The following EML1 variants were observed in gnomAD, a reference collection of about 807,000 sequenced individuals.
EML1 encodes EMAP like 1.
In EML1, 27 loss-of-function variants were observed where a neutral mutation model predicts 110.4. The ratio of observed to expected loss-of-function variants is 0.24; its 90% CI spans 0.18 to 0.34. The LOEUF (loss-of-function observed/expected upper bound fraction) is 0.34, where lower values mean the gene tolerates loss of function less well. Ranked by LOEUF, EML1 falls within the 10% of genes least tolerant of loss-of-function variation. The pLI is 1.00. For synonymous variants in EML1, 344 were observed against 385.8 expected, an observed-to-expected ratio of 0.89 and a Z score of 1.27; for missense variants, 741 against 1,030.9, an observed-to-expected ratio of 0.72 and a Z score of 3.85.
intron 2 of EML1, among the ~76,000 whole-genome samples, chr14:99,859,187 T>C (rs1476463290): frequency 6.6e-6 from 1 of 152,256 alleles, no homozygotes; most frequent in Non-Finnish European, 1.5e-5. Flanking sequence ...TAATTATGAA[T>C]GTGTTTGGAC....
At chr14:99,857,885 T>G (rs1251571388) in intron 2 of EML1, among the ~76,000 whole-genome samples, 2 of 152,224 alleles carry the variant, frequency 1.3e-5, no homozygotes, top group Non-Finnish European at 2.9e-5. Context: ...CCCATTTATA[T>G]TTCTATTATA....
At chr14:99,854,584 CAGTCTCTGTG>C (rs2058869930) in intron 2 of EML1, among the ~76,000 whole-genome samples, 1 of 152,216 alleles carries the variant, frequency 6.6e-6, no homozygotes, top group African/African-American at 2.4e-5. Flanking sequence ...AGGATTTCCT[CAGTCTCTGTG>C]AGCTCCCCAG....
chr14:99,843,652 A>G (rs558167284), intron 1 of EML1, among the ~76,000 whole-genome samples: 2 of 152,232 alleles, frequency 1.3e-5, no homozygotes, highest in Non-Finnish European at 2.9e-5. Flanking sequence ...GAACCCAGGT[A>G]GCTTGACTCC....
chr14:99,818,147 A>G (rs896261332), intron 1 of EML1, among the ~76,000 whole-genome samples: 1 of 152,138 alleles, frequency 6.6e-6, no homozygotes, highest in Non-Finnish European at 1.5e-5. Context: ...GGGCCAAAGA[A>G]GTATCTGGAG....
At position 99,744,997 on chromosome 14, in the gene EML1, T is replaced by G. The variant is rs113523622; in HGVS notation, c.28+7137T>G. Among the ~76,000 whole-genome samples, 158 of 152,266 alleles carry G rather than the reference T, an allele frequency of 1.0e-3. 2 individuals are homozygous for G. The highest frequency in any genetic ancestry group is 3.6e-3 in the African/African-American group (149 of 41,534). ...TGTTTTCTTCACTCTAATACAGATA[T>G]GCACTCTCTCTTTGATTCTATGACA... On this transcript the variant is annotated intron_variant, in intron 1 of 10. Transcript: ENST00000554479.
intron 1 of EML1, among the ~76,000 whole-genome samples, chr14:99,765,972 A>G (rs1390811441): frequency 6.6e-6 from 1 of 152,170 alleles, no homozygotes; most frequent in African/African-American, 2.4e-5. Context: ...TTACACATTC[A>G]TGGCTAACGA....
In EML1 at chr14:99,914,186, A is replaced by G; in HGVS notation, c.1502A>G (p.Glu501Gly). 4 of 1,608,324 alleles carry G rather than the reference A, an allele frequency of 2.5e-6. No homozygotes were observed. The highest frequency in any genetic ancestry group is 2.6e-6 in the Non-Finnish European group (3 of 1,175,324). Residue 501 changes from glutamate to glycine, a missense_variant, in exon 14 of 22, where the codon GAA becomes GGA. Transcript: ENST00000262233. ...YQKLRKTEIPEQFGPIRTVAE... is the reference protein window; with the variant it reads ...YQKLRKTEIPGQFGPIRTVAE... ...TATGACTTTTCAATGCAGATTCCAG[A>G]ACAGTTTGGTCCAATACGGACAGTG...
intron 1 of EML1, among the ~76,000 whole-genome samples, chr14:99,829,804 GTTC>G (rs2139770800): frequency 6.6e-6 from 1 of 152,266 alleles, no homozygotes; most frequent in East Asian, 1.9e-4. Context: ...ATGTTTTCAA[GTTC>G]CATCTGCTTA....
intron 7 of EML1, 85 bp downstream of exon 7, chr14:99,897,379 G>A: frequency 7.4e-7 from 1 of 1,357,912 alleles, no homozygotes; most frequent in Non-Finnish European, 9.8e-7. Flanking sequence ...GACCATCCTG[G>A]GCAACAGTGA....
chr14:99,838,930 T>TGTGTGTGTGTGTGTGCGCGC (rs35886892), intron 1 of EML1: 2 of 148,570 alleles, frequency 1.3e-5, no homozygotes, highest in Non-Finnish European at 3.0e-5. Context: ...TGTGTGTGTG[T>TGTGTGTGTGTGTGTGCGCGC]GCGCGCGCGC....
At chr14:99,862,316 C>G (rs566188467) in intron 2 of EML1, among the ~76,000 whole-genome samples, 16 of 152,308 alleles carry the variant, frequency 1.1e-4, no homozygotes, top group Middle Eastern at 3.4e-3. Context: ...CCTTGGCCAT[C>G]TGGCTGAGGG....
intron 1 of EML1, among the ~76,000 whole-genome samples, chr14:99,822,499 GC>G (rs1246127260): frequency 6.6e-6 from 1 of 152,180 alleles, no homozygotes; most frequent in Non-Finnish European, 1.5e-5. Context: ...AGGAAGTTGA[GC>G]CCCCAGCTGG....
chr14:99,765,106 T>A (rs2057354615), intron 1 of EML1, among the ~76,000 whole-genome samples: 1 of 152,084 alleles, frequency 6.6e-6, no homozygotes, highest in Admixed American at 6.5e-5. Context: ...CACAGCTAAT[T>A]TTTTTTCTTT....
chr14:99,769,572 A>G (rs1239804019), upstream of EML1, among the ~76,000 whole-genome samples: 1 of 152,242 alleles, frequency 6.6e-6, no homozygotes, highest in African/African-American at 2.4e-5. Context: ...TCAATCTGAT[A>G]TCACTTCTTT....
intron 12 of EML1, among the ~76,000 whole-genome samples, chr14:99,910,808 G>C (rs973124143): frequency 5.3e-5 from 8 of 152,192 alleles, no homozygotes; most frequent in African/African-American, 1.9e-4. Context: ...TGCTAAGGGA[G>C]ATGATGCATC....
chr14:99,850,243 G>A, intron 1 of EML1: 2 of 1,261,932 alleles, frequency 1.6e-6, no homozygotes, highest in Non-Finnish European at 2.1e-6. Context: ...TAAGTGAAGG[G>A]AAGAATGATG....
At chr14:99,853,730 C>T (rs1441697899) in intron 2 of EML1, among the ~76,000 whole-genome samples, 4 of 152,140 alleles carry the variant, frequency 2.6e-5, no homozygotes, top group Non-Finnish European at 4.4e-5. Flanking sequence ...AGTGCAGTGG[C>T]GTGATCTTGG....
At position 99,760,083 on chromosome 14, in the gene EML1, C is replaced by CAAAAAAAA. The variant is rs61619098; in HGVS notation, c.28+22246_28+22253dup. Reference sequence around the variant, plus strand: ...GGGCAACAAGAGCTAGACTCCCTCTCAAAAAAAAAAAAAAAAAAAAAAAAA... The same window carrying CAAAAAAAA: ...GGGCAACAAGAGCTAGACTCCCTCTCAAAAAAAAAAAAAAAAAAAAAAAAAAAAAAAAA... On this transcript the variant is annotated intron_variant, in intron 1 of 10. Coordinates refer to the EML1 transcript ENST00000554479. Among the ~76,000 whole-genome samples, 9 of 47,146 alleles carry CAAAAAAAA rather than the reference C, an allele frequency of 1.9e-4. 1 individual carries two copies. Among genetic ancestry groups the CAAAAAAAA allele is most frequent in the Non-Finnish European group, 2.1e-4 (6 of 28,864 alleles). 30.9% of individuals were successfully genotyped at this position (47,146 alleles called of 152,430 possible).
chr14:99,752,349 C>T (rs1430296932), intron 1 of EML1, among the ~76,000 whole-genome samples: 1 of 152,242 alleles, frequency 6.6e-6, no homozygotes, highest in Non-Finnish European at 1.5e-5. Flanking sequence ...CAGACACACT[C>T]ATCACCAACG....
Sources: allele counts gnomAD v4.1 joint callset (sites outside exome capture counted in the v4.1 genomes callset), GRCh38; gene constraint gnomAD v4.1.1; transcripts MANE v1.5; gene names NCBI Gene and HGNC (gene_info 2026-07-23, HGNC 2026-07-21).